Variants in PIGL observed in about 807,000 individuals in gnomAD.
The protein encoded by PIGL is N-acetylglucosaminyl-phosphatidylinositol de-N-acetylase.
A neutral mutation model predicts 31.1 loss-of-function variants in PIGL; 22 were observed. That is an observed-to-expected ratio of 0.71 (90% confidence interval 0.51 to 1.01). The LOEUF (loss-of-function observed/expected upper bound fraction) is 1.01, where lower values mean the gene tolerates loss of function less well. PIGL is among the 50% of genes least tolerant of loss of function. The pLI is 0.00. For synonymous variants in PIGL, 131 were observed against 117.4 expected (o/e 1.12, Z -0.75); for missense variants, 302 against 315.9 (o/e 0.96, Z 0.33).
At chr17:16,227,710 A>G (rs1416395753) in intron 1 of PIGL, among the ~76,000 whole-genome samples, 1 of 148,632 alleles carries the variant, frequency 6.7e-6, no homozygotes, top group East Asian at 2.0e-4. Flanking sequence ...CCTCCCAAGT[A>G]GCTGTGATTA....
chr17:16,250,376 C>G (rs2092766109), intron 2 of PIGL, among the ~76,000 whole-genome samples: 2 of 152,156 alleles, frequency 1.3e-5, no homozygotes, highest in African/African-American at 4.8e-5. Context: ...TTTCAGGTAT[C>G]CACTGGGGAT....
chr17:16,321,289 G>A (rs1020250779), intron 6 of PIGL, among the ~76,000 whole-genome samples: 1 of 147,360 alleles, frequency 6.8e-6, no homozygotes, highest in African/African-American at 2.6e-5. Flanking sequence ...TGCCCAGGCT[G>A]GAGTGCAACG....
At position 16,318,051 on chromosome 17, in the gene PIGL, C is replaced by CAGCT. The variant is rs148679420; in HGVS notation, c.660+146_660+149dup. 16,341 of 629,296 alleles carry CAGCT rather than the reference C, an allele frequency of 0.026. 2,049 individuals carry two copies. In the African/African-American group the frequency reaches 0.27, roughly 10 times the overall value. 39.0% of individuals were successfully genotyped at this position (629,296 alleles called of 1,614,324 possible). On this transcript the variant is annotated intron_variant, in intron 6 of 6. Coordinates refer to ENST00000225609, the MANE Select transcript of PIGL (RefSeq NM_004278.4). ...CTGTCCCTGAGAATTAGGGCTAGGC[C>CAGCT]AGCTAGATCTTGGGAGGCATAGATT...
At chr17:16,229,481 C>CT (rs71353784) in intron 1 of PIGL, among the ~76,000 whole-genome samples, 1,455 of 114,168 alleles carry the variant, frequency 0.013, 31 homozygotes, top group African/African-American at 0.031. Flanking sequence ...ACCGGTTTTC[C>CT]TTTTTTTTTT....
At chr17:16,218,148 A>C (rs1330437226) in intron 1 of PIGL, 2 of 152,246 alleles carry the variant, frequency 1.3e-5, no homozygotes, top group Non-Finnish European at 2.9e-5. Context: ...TGAATTGTAC[A>C]CATACAATGG....
chr17:16,228,597 C>A (rs1021732140), intron 1 of PIGL, among the ~76,000 whole-genome samples: 1 of 151,564 alleles, frequency 6.6e-6, no homozygotes, highest in Non-Finnish European at 1.5e-5. Context: ...ACCGTGTTAG[C>A]CAGGATGGTC....
At chr17:16,283,755 T>C (rs745748929) in intron 2 of PIGL, among the ~76,000 whole-genome samples, 11 of 152,248 alleles carry the variant, frequency 7.2e-5, no homozygotes, top group Non-Finnish European at 1.0e-4. Flanking sequence ...AAAGCTCTTA[T>C]TGAATTATTA....
chr17:16,309,250 C>A (rs2093038386), intron 3 of PIGL, among the ~76,000 whole-genome samples: 1 of 152,168 alleles, frequency 6.6e-6, no homozygotes, highest in African/African-American at 2.4e-5. Flanking sequence ...TATGATCATG[C>A]CACTGCACTA....
Position 16,326,255 on chromosome 17 carries a change from C to T in PIGL, c.*357C>T, listed in dbSNP as rs1345840749. On this transcript the variant is annotated 3_prime_UTR_variant, in exon 7 of 7. Coordinates refer to ENST00000225609, the MANE Select transcript of PIGL (RefSeq NM_004278.4). ...TGAACATAAAAGTGCTCTAAAAACA[C>T]TCCACAGATGTGACTTTTACATTGT... is the stretch of plus-strand genomic sequence containing the variant. 1 of 209,248 alleles carries T rather than the reference C, an allele frequency of 4.8e-6. No individual in the cohort carries two copies. Among genetic ancestry groups the T allele is most frequent in the East Asian group, 1.1e-4 (1 of 8,892 alleles). The allele number at this position is 209,248 out of a possible 1,614,324, so 13.0% of individuals were successfully genotyped here.
chr17:16,225,358 G>A (rs955341602), intron 1 of PIGL, among the ~76,000 whole-genome samples: 4 of 136,354 alleles, frequency 2.9e-5, no homozygotes, highest in Non-Finnish European at 6.4e-5. Context: ...TGTATTTTGT[G>A]ATTTTTTTAA....
chr17:16,236,291 G>T (rs578180896), intron 2 of PIGL, among the ~76,000 whole-genome samples: 1 of 152,268 alleles, frequency 6.6e-6, no homozygotes, highest in Admixed American at 6.5e-5. Flanking sequence ...TGTATTCGGT[G>T]TTTCAGGTTC....
intron 1 of PIGL, among the ~76,000 whole-genome samples, chr17:16,229,323 T>C (rs2092667832): frequency 1.3e-5 from 2 of 151,914 alleles, no homozygotes; most frequent in Admixed American, 6.6e-5. Context: ...TATTCCATTG[T>C]GTATATATAC....
intron 2 of PIGL, among the ~76,000 whole-genome samples, chr17:16,286,435 T>C (rs1362640570): frequency 6.6e-6 from 1 of 152,138 alleles, no homozygotes; most frequent in African/African-American, 2.4e-5. Context: ...ACCCCACAGA[T>C]TTTCACAAAG....
At chr17:16,298,992 A>G (rs1568831962) in intron 2 of PIGL, among the ~76,000 whole-genome samples, 1 of 152,004 alleles carries the variant, frequency 6.6e-6, no homozygotes. Flanking sequence ...ATGCCATTAC[A>G]TTCCAGCCTG....
At chr17:16,224,241 A>G (rs773415717) in intron 1 of PIGL, among the ~76,000 whole-genome samples, 4 of 152,034 alleles carry the variant, frequency 2.6e-5, no homozygotes, top group African/African-American at 7.2e-5. Flanking sequence ...AGAAAGCTAC[A>G]CTATATTATA....
chr17:16,297,866 A>AC (rs1273778813), intron 2 of PIGL, among the ~76,000 whole-genome samples: 1 of 152,180 alleles, frequency 6.6e-6, no homozygotes, highest in Non-Finnish European at 1.5e-5. Context: ...CAGGCTGCAG[A>AC]CCAGTACAGG....
chr17:16,222,557 T>A (rs539114075), intron 1 of PIGL, among the ~76,000 whole-genome samples: 3 of 152,176 alleles, frequency 2.0e-5, no homozygotes, highest in Non-Finnish European at 4.4e-5. Context: ...CCAGCTACAG[T>A]GTAAAGAAGC....
chr17:16,257,327 G>C (rs2092798215), intron 2 of PIGL, among the ~76,000 whole-genome samples: 1 of 152,114 alleles, frequency 6.6e-6, no homozygotes, highest in Admixed American at 6.5e-5. Flanking sequence ...TGAGGCAGGA[G>C]AATCGCTTGA....
intron 3 of PIGL, among the ~76,000 whole-genome samples, chr17:16,312,177 G>A (rs1016578001): frequency 1.3e-5 from 2 of 150,278 alleles, no homozygotes; most frequent in African/African-American, 2.5e-5. Context: ...GCGGCTGCTG[G>A]GCGGAGACGC....
Sources: allele counts gnomAD v4.1 joint callset (sites outside exome capture counted in the v4.1 genomes callset), GRCh38; gene constraint gnomAD v4.1.1; transcripts MANE v1.5; gene names NCBI Gene and HGNC (gene_info 2026-07-23, HGNC 2026-07-21).